CACNB2: variants seen among roughly 807,000 people sequenced by gnomAD.
CACNB2 encodes the protein voltage-dependent L-type calcium channel subunit beta-2.
Under a neutral mutation model 73.3 loss-of-function variants are expected in CACNB2, and 42 were observed. That is an observed-to-expected ratio of 0.57 (90% CI 0.45 to 0.74). The LOEUF is 0.74. Ranked by LOEUF, CACNB2 falls within the 30% of genes least tolerant of loss-of-function variation. CACNB2 has a pLI of 0.00. For missense variants in CACNB2, 940 were observed against 853.0 expected (o/e 1.10, Z -1.27); for synonymous variants, 348 against 310.3 (o/e 1.12, Z -1.28).
intron 2 of CACNB2, among the ~76,000 whole-genome samples, chr10:18,348,069 A>C (rs2041542851): frequency 6.6e-6 from 1 of 152,224 alleles, no homozygotes; most frequent in Admixed American, 6.5e-5. Context: ...ATTGCCCAAA[A>C]TTTTAATGAC....
chr10:18,243,699 A>G (rs895949288), intron 2 of CACNB2, among the ~76,000 whole-genome samples: 2 of 151,990 alleles, frequency 1.3e-5, no homozygotes, highest in Admixed American at 6.5e-5. Context: ...TGGCTCCTCA[A>G]TTTCTCTCTC....
At chr10:18,310,605 CAAAAAA>C (rs1157466238) in intron 2 of CACNB2, among the ~76,000 whole-genome samples, 23 of 36,866 alleles carry the variant, frequency 6.2e-4, no homozygotes, top group African/African-American at 2.6e-3. Flanking sequence ...AACTCCATCT[CAAAAAA>C]AAAAAAAAAA....
chr10:18,255,759 T>G (rs1295170994), intron 2 of CACNB2, among the ~76,000 whole-genome samples: 1 of 152,222 alleles, frequency 6.6e-6, no homozygotes, highest in Non-Finnish European at 1.5e-5. Context: ...AATGAGTATT[T>G]AAGCAGGTGT....
intron 2 of CACNB2, chr10:18,401,175 T>G: frequency 6.4e-7 from 1 of 1,556,208 alleles, no homozygotes; most frequent in Non-Finnish European, 8.9e-7. Flanking sequence ...TGAGTGCAGG[T>G]AGAGAGGGTG....
chr10:18,457,719 C>T (rs866325524), intron 3 of CACNB2, among the ~76,000 whole-genome samples: 35 of 151,924 alleles, frequency 2.3e-4, no homozygotes, highest in African/African-American at 8.0e-4. Context: ...GGAGAAACCC[C>T]GTCTCTACTG....
chr10:18,319,930 G>A (rs1349019766), intron 2 of CACNB2, among the ~76,000 whole-genome samples: 1 of 152,118 alleles, frequency 6.6e-6, no homozygotes, highest in Non-Finnish European at 1.5e-5. Flanking sequence ...CAGGGCAGCT[G>A]GAGTGGAGGC....
chr10:18,341,472 TTAAACA>T (rs1458771477), intron 2 of CACNB2, among the ~76,000 whole-genome samples: 33 of 152,198 alleles, frequency 2.2e-4, no homozygotes, highest in African/African-American at 1.9e-4. Flanking sequence ...TTTAAAATAC[TTAAACA>T]TAAAGCTTTG....
chr10:18,429,443 G>A (rs1218685396), intron 3 of CACNB2, among the ~76,000 whole-genome samples: 1 of 152,046 alleles, frequency 6.6e-6, no homozygotes, highest in Non-Finnish European at 1.5e-5. Flanking sequence ...GTCAACCCTG[G>A]AAAACCCTCA....
intron 3 of CACNB2, among the ~76,000 whole-genome samples, chr10:18,457,072 C>G (rs2047319796): frequency 6.9e-6 from 1 of 145,268 alleles, no homozygotes; most frequent in East Asian, 2.0e-4. Flanking sequence ...CATGGGTGCA[C>G]AAATACACCT....
chr10:18,286,323 T>C (rs1588942193), intron 2 of CACNB2, among the ~76,000 whole-genome samples: 1 of 152,004 alleles, frequency 6.6e-6, no homozygotes. Flanking sequence ...CAGACCATCC[T>C]GGCTAACACG....
Position 18,451,065 on chromosome 10 carries a change from C to T in CACNB2, c.334-47290C>T, listed in dbSNP as rs771100172. 5.3e-5 allele frequency among the ~76,000 whole-genome samples: 8 copies of T among 152,246 alleles called. No individual in the cohort carries two copies. In the South Asian group the frequency reaches 6.2e-4, roughly 12 times the overall value. On this transcript the variant is annotated intron_variant, in intron 3 of 13. Transcript: ENST00000324631. ...AATTTTATCATCTTACCTATACATG[C>T]GATAAAAATCTATTAAAGTCAGCTC...
chr10:18,376,447 A>T (rs1365035531), intron 2 of CACNB2, among the ~76,000 whole-genome samples: 2 of 152,230 alleles, frequency 1.3e-5, no homozygotes, highest in East Asian at 3.8e-4. Flanking sequence ...TGGTAGCACA[A>T]CAGGATGACT....
At chr10:18,141,242 C>T (rs567519375) in intron 1 of CACNB2, 22 of 1,386,926 alleles carry the variant, frequency 1.6e-5, no homozygotes, top group Non-Finnish European at 1.8e-5. Flanking sequence ...GGGAGGGGGC[C>T]CGCTTCCCGC....
intron 2 of CACNB2, among the ~76,000 whole-genome samples, chr10:18,319,627 ATAATT>A (rs897760784): frequency 6.6e-6 from 1 of 152,154 alleles, no homozygotes; most frequent in African/African-American, 2.4e-5. Context: ...AATAATATAA[ATAATT>A]AAAAAATAAA....
intron 2 of CACNB2, among the ~76,000 whole-genome samples, chr10:18,284,990 T>C (rs1309926443): frequency 1.3e-5 from 2 of 152,120 alleles, no homozygotes; most frequent in South Asian, 2.1e-4. Context: ...CACCTGGGGC[T>C]CTTTGAGAAA....
At chr10:18,373,891 T>G (rs899352140) in intron 2 of CACNB2, among the ~76,000 whole-genome samples, 1 of 152,140 alleles carries the variant, frequency 6.6e-6, no homozygotes, top group African/African-American at 2.4e-5. Flanking sequence ...CAAAACAAAG[T>G]TAAGATGTAA....
At chr10:18,300,139 A>G (rs2039449938) in intron 2 of CACNB2, among the ~76,000 whole-genome samples, 1 of 151,964 alleles carries the variant, frequency 6.6e-6, no homozygotes, top group South Asian at 2.1e-4. Context: ...GTCCTGTCTC[A>G]ACCTCCCAAG....
At chr10:18,368,318 A>G (rs1459522208) in intron 2 of CACNB2, among the ~76,000 whole-genome samples, 2 of 152,178 alleles carry the variant, frequency 1.3e-5, no homozygotes, top group Non-Finnish European at 2.9e-5. Flanking sequence ...GCAATATGGA[A>G]AAAAACTTTC....
chr10:18,456,517 G>A (rs971713364), intron 3 of CACNB2, among the ~76,000 whole-genome samples: 5 of 152,052 alleles, frequency 3.3e-5, no homozygotes, highest in African/African-American at 4.8e-5. Context: ...CGAGAACAGC[G>A]CCAAGATATA....
Sources: gnomAD v4.1 joint callset for allele counts (sites outside exome capture counted in the v4.1 genomes callset) on GRCh38, gnomAD v4.1.1 for gene constraint, MANE v1.5 for transcripts, NCBI Gene and HGNC (gene_info 2026-07-23, HGNC 2026-07-21) for gene names.